Variants in ZBTB7C observed in about 807,000 individuals in gnomAD.
ZBTB7C encodes zinc finger and BTB domain containing 7C.
ZBTB7C carries 8 observed loss-of-function variants against 25.7 expected under a neutral mutation model. The ratio of observed to expected loss-of-function variants is 0.31; its 90% CI spans 0.18 to 0.56. The LOEUF (loss-of-function observed/expected upper bound fraction) is 0.56, where lower values mean the gene tolerates loss of function less well. ZBTB7C is among the 20% of genes least tolerant of loss of function. ZBTB7C has a pLI of 0.91. For missense variants in ZBTB7C, 824 were observed against 855.2 expected (o/e 0.96, Z 0.46); for synonymous variants, 394 against 369.0 (o/e 1.07, Z -0.78).
At chr18:48,043,580 AGGT>A (rs906917512) in intron 3 of ZBTB7C, among the ~76,000 whole-genome samples, 2 of 152,060 alleles carry the variant, frequency 1.3e-5, no homozygotes, top group East Asian at 1.9e-4. Context: ...GGGACTAAGG[AGGT>A]GGTGGTGGTG....
intron 3 of ZBTB7C, among the ~76,000 whole-genome samples, chr18:48,107,635 C>T: frequency 6.6e-6 from 1 of 152,054 alleles, no homozygotes; most frequent in East Asian, 1.9e-4. Flanking sequence ...GGGAGGAGAA[C>T]CCGGTAGTGG....
intron 1 of ZBTB7C, among the ~76,000 whole-genome samples, chr18:48,401,035 T>C (rs962399614): frequency 1.3e-5 from 2 of 152,140 alleles, no homozygotes; most frequent in African/African-American, 4.8e-5. Context: ...ACTGCATGAT[T>C]TTAACAAGTG....
chr18:48,215,486 A>T (rs2042801820), intron 2 of ZBTB7C, among the ~76,000 whole-genome samples: 1 of 152,214 alleles, frequency 6.6e-6, no homozygotes, highest in Admixed American at 6.5e-5. Flanking sequence ...AATGTGGGAC[A>T]ACTTGAAGCA....
At chr18:48,271,927 C>A (rs2044499977) in intron 2 of ZBTB7C, among the ~76,000 whole-genome samples, 1 of 152,114 alleles carries the variant, frequency 6.6e-6, no homozygotes, top group African/African-American at 2.4e-5. Flanking sequence ...CCACTATCAC[C>A]TAAACTATTC....
chr18:48,156,026 C>A (rs2144918868), intron 3 of ZBTB7C, among the ~76,000 whole-genome samples: 1 of 152,338 alleles, frequency 6.6e-6, no homozygotes, highest in Non-Finnish European at 1.5e-5. Context: ...CTAATCTCCT[C>A]CACAAGAGAC....
chr18:48,163,270 C>T (rs1316699876), intron 3 of ZBTB7C, among the ~76,000 whole-genome samples: 3 of 152,190 alleles, frequency 2.0e-5, no homozygotes, highest in Admixed American at 6.5e-5. Context: ...ATGAGCATGG[C>T]CCTGGACAGT....
At chr18:48,221,483 T>C (rs1427261665) in intron 2 of ZBTB7C, among the ~76,000 whole-genome samples, 8 of 147,334 alleles carry the variant, frequency 5.4e-5, no homozygotes, top group Non-Finnish European at 1.2e-4. Flanking sequence ...CTCTATACTG[T>C]CCCTTAGTCT....
intron 3 of ZBTB7C, among the ~76,000 whole-genome samples, chr18:48,119,983 T>C (rs2039575175): frequency 6.6e-6 from 1 of 152,032 alleles, no homozygotes. Flanking sequence ...TAGGCTGGCG[T>C]TTCTCGAACC....
At chr18:48,106,798 G>A (rs1264161711) in intron 3 of ZBTB7C, among the ~76,000 whole-genome samples, 1 of 151,882 alleles carries the variant, frequency 6.6e-6, no homozygotes, top group Non-Finnish European at 1.5e-5. Flanking sequence ...TCTTAGCATT[G>A]GAAAGAACCA....
intron 2 of ZBTB7C, among the ~76,000 whole-genome samples, chr18:48,288,811 A>C (rs991988232): frequency 1.3e-5 from 2 of 152,214 alleles, no homozygotes; most frequent in African/African-American, 4.8e-5. Context: ...TAAACTTCCC[A>C]GCCTCCAGAA....
chr18:48,105,696 A>T (rs2039004239), intron 3 of ZBTB7C, among the ~76,000 whole-genome samples: 1 of 152,184 alleles, frequency 6.6e-6, no homozygotes. Context: ...AACAAAAAAA[A>T]GGTAGATGGG....
At chr18:48,330,342 T>A (rs1472404911) in intron 2 of ZBTB7C, among the ~76,000 whole-genome samples, 1 of 152,192 alleles carries the variant, frequency 6.6e-6, no homozygotes, top group Non-Finnish European at 1.5e-5. Context: ...TGATGTGGAC[T>A]TTTAGGTAGC....
At chr18:48,249,008 A>G (rs183566689) in intron 2 of ZBTB7C, among the ~76,000 whole-genome samples, 1 of 152,364 alleles carries the variant, frequency 6.6e-6, no homozygotes, top group African/African-American at 2.4e-5. Flanking sequence ...TATACAATAT[A>G]AACAAATACA....
chr18:48,084,761 A>G (rs1568205684), intron 3 of ZBTB7C, among the ~76,000 whole-genome samples: 1 of 152,180 alleles, frequency 6.6e-6, no homozygotes, highest in Non-Finnish European at 1.5e-5. Flanking sequence ...GCACCTCAGG[A>G]CCTAGTAAGT....
rs547302392 is a variant in ZBTB7C at position 48,306,917 on chromosome 18, CAG to C, written c.-79+31255_-79+31256del. Reference sequence around the variant, plus strand: ...TTGCATCGGAATTCTCTGAGGCACACAGTGTAAAAATGTTAGCCAGTGTTCCA... The same window carrying C: ...TTGCATCGGAATTCTCTGAGGCACACTGTAAAAATGTTAGCCAGTGTTCCA... On this transcript the variant is annotated intron_variant, in intron 2 of 4. Transcript: ENST00000590800. Among the ~76,000 whole-genome samples the C allele has an allele frequency of 3.4e-3, 523 of 152,330 alleles. 2 individuals are homozygous for C. The highest frequency in any genetic ancestry group is 6.0e-3 in the Admixed American group (92 of 15,302).
intron 3 of ZBTB7C, among the ~76,000 whole-genome samples, chr18:48,047,886 T>C (rs1328267598): frequency 6.6e-6 from 1 of 152,146 alleles, no homozygotes; most frequent in East Asian, 1.9e-4. Flanking sequence ...AATTTACAGA[T>C]AATAAAACAG....
At chr18:48,323,982 C>T (rs536448254) in intron 2 of ZBTB7C, among the ~76,000 whole-genome samples, 1 of 152,052 alleles carries the variant, frequency 6.6e-6, no homozygotes, top group Admixed American at 6.5e-5. Context: ...GAATTGGTGC[C>T]TTTTTAAAAG....
intron 4 of ZBTB7C, among the ~76,000 whole-genome samples, chr18:48,031,564 G>A (rs1165995669): frequency 6.6e-6 from 1 of 152,210 alleles, no homozygotes; most frequent in Non-Finnish European, 1.5e-5. Context: ...AGGCCAGTGG[G>A]TCTCAAACTT....
intron 2 of ZBTB7C, among the ~76,000 whole-genome samples, chr18:48,312,090 G>A (rs1414147784): frequency 1.3e-5 from 2 of 152,196 alleles, no homozygotes; most frequent in African/African-American, 2.4e-5. Flanking sequence ...TCAACTACAC[G>A]TGTAGCCTGT....
Sources: gnomAD v4.1 joint callset for allele counts (sites outside exome capture counted in the v4.1 genomes callset) on GRCh38, gnomAD v4.1.1 for gene constraint, MANE v1.5 for transcripts, NCBI Gene and HGNC (gene_info 2026-07-23, HGNC 2026-07-21) for gene names.